CIB2: variants seen among roughly 807,000 people sequenced by gnomAD.
The protein encoded by CIB2 is calcium and integrin-binding family member 2.
In CIB2, 19 loss-of-function variants were observed where a neutral mutation model predicts 23.1. The ratio of observed to expected loss-of-function variants is 0.82; its 90% CI spans 0.57 to 1.21. CIB2 has a LOEUF of 1.21. Ranked by LOEUF, CIB2 falls within the 50% of genes most tolerant of loss-of-function variation. The pLI, the probability that CIB2 is intolerant of heterozygous loss-of-function variation, is 0.00. For synonymous variants in CIB2, 94 were observed against 91.7 expected, an observed-to-expected ratio of 1.03 and a Z score of -0.14; for missense variants, 220 against 241.5, an observed-to-expected ratio of 0.91 and a Z score of 0.59.
intron 2 of CIB2, among the ~76,000 whole-genome samples, chr15:78,117,054 A>C (rs1282043962): frequency 6.6e-6 from 1 of 151,694 alleles, no homozygotes; most frequent in Admixed American, 6.6e-5. Context: ...AAGATATAAA[A>C]ATATTTTAGG....
At chr15:78,123,673 T>A in intron 2 of CIB2, 32 bp downstream of exon 2, 1 of 1,613,608 alleles carries the variant, frequency 6.2e-7, no homozygotes, top group Non-Finnish European at 8.5e-7. Flanking sequence ...CCAGTCCCAG[T>A]CCCAACAGGG....
intron 1 of CIB2, among the ~76,000 whole-genome samples, chr15:78,130,951 C>T (rs2141925465): frequency 6.6e-6 from 1 of 152,254 alleles, no homozygotes; most frequent in East Asian, 1.9e-4. Context: ...CTGAGAGGTT[C>T]TTCCAACTGG....
chr15:78,119,145 A>G (rs953204045), intron 2 of CIB2, among the ~76,000 whole-genome samples: 1 of 152,118 alleles, frequency 6.6e-6, no homozygotes, highest in African/African-American at 2.4e-5. Context: ...TTTAAAAAAA[A>G]AAAAAAAAGA....
chr15:78,111,094 G>T, intron 3 of CIB2, 71 bp downstream of exon 3: 1 of 1,336,950 alleles, frequency 7.5e-7, no homozygotes, highest in South Asian at 1.2e-5. Context: ...GTTCAGCCTA[G>T]ACCTGGGGGC....
Position 78,111,161 on chromosome 15 carries a change from A to G in CIB2, c.198+4T>C. On this transcript the variant is annotated splice_donor_region_variant and intron_variant, in intron 3 of 5. Coordinates refer to ENST00000258930, the MANE Select transcript of CIB2 (RefSeq NM_006383.4). ...TGCTCGCCAGCAAGAGGTCCTGCAC[A>G]TACCCGGAGCTCTGGCATCTGGATG... is the stretch of plus-strand genomic sequence containing the variant. 6.2e-7 allele frequency: 1 copy of G among 1,613,448 alleles called. No individual in the cohort carries two copies. The highest frequency in any genetic ancestry group is 8.5e-7 in the Non-Finnish European group (1 of 1,179,388).
chr15:78,105,573 G>A, intron 5 of CIB2, 166 bp downstream of exon 5: 1 of 1,493,870 alleles, frequency 6.7e-7, no homozygotes, highest in Non-Finnish European at 8.9e-7. Context: ...CCCTGCAGGG[G>A]ACAAAGGCCA....
intron 5 of CIB2, 88 bp from the exon 6 acceptor site, chr15:78,105,420 C>G (rs1305145190): frequency 3.1e-6 from 5 of 1,595,896 alleles, no homozygotes; most frequent in Non-Finnish European, 4.3e-6. Context: ...CAGGCCCCAG[C>G]CCCATGCTGG....
intron 3 of CIB2, among the ~76,000 whole-genome samples, chr15:78,110,138 C>A (rs1234842065): frequency 2.6e-5 from 4 of 152,260 alleles, no homozygotes; most frequent in Non-Finnish European, 5.9e-5. Context: ...CCCTAGACCA[C>A]CTTGGATGCT....
chr15:78,120,657 T>G (rs2074305109), intron 2 of CIB2: 1 of 985,050 alleles, frequency 1.0e-6, no homozygotes, highest in Non-Finnish European at 1.2e-6. Flanking sequence ...AGCAATCGGA[T>G]CTACCTGGGT....
At chr15:78,108,353 C>A (rs761435090) in intron 4 of CIB2, among the ~76,000 whole-genome samples, 3 of 152,158 alleles carry the variant, frequency 2.0e-5, no homozygotes, top group African/African-American at 7.2e-5. Flanking sequence ...TGGGTCCCAG[C>A]CCCTTCCTAG....
chr15:78,118,804 T>C (rs2074277506), intron 2 of CIB2, among the ~76,000 whole-genome samples: 1 of 152,084 alleles, frequency 6.6e-6, no homozygotes, highest in African/African-American at 2.4e-5. Context: ...CTTCCAAAAC[T>C]GAAACTCTGT....
intron 1 of CIB2, among the ~76,000 whole-genome samples, chr15:78,125,152 C>A (rs777978120): frequency 1.3e-5 from 2 of 152,188 alleles, no homozygotes; most frequent in Admixed American, 6.5e-5. Context: ...GGAAGCAGTG[C>A]CCCCTGCTCC....
intron 2 of CIB2, among the ~76,000 whole-genome samples, chr15:78,121,427 T>C (rs1252901718): frequency 1.3e-5 from 2 of 152,110 alleles, no homozygotes; most frequent in Non-Finnish European, 2.9e-5. Flanking sequence ...GAGCCCCTCA[T>C]TTTCCAAGGG....
chr15:78,126,132 T>C (rs1468313049), intron 1 of CIB2, among the ~76,000 whole-genome samples: 5 of 142,794 alleles, frequency 3.5e-5, no homozygotes, highest in Non-Finnish European at 7.5e-5. Flanking sequence ...TGTGCTTCCC[T>C]TTCCCCTGCC....
At chr15:78,114,858 G>A (rs2074214981) in intron 2 of CIB2, among the ~76,000 whole-genome samples, 1 of 150,920 alleles carries the variant, frequency 6.6e-6, no homozygotes, top group Non-Finnish European at 1.5e-5. Flanking sequence ...TAAAGTAGGA[G>A]GATCTCTAGC....
intron 5 of CIB2, 112 bp from the exon 6 acceptor site, chr15:78,105,444 A>C: frequency 1.9e-6 from 3 of 1,573,764 alleles, no homozygotes; most frequent in Non-Finnish European, 2.6e-6. Context: ...GTGCCTCATT[A>C]GGGAACCCTG....
At chr15:78,118,013 C>A (rs900730337) in intron 2 of CIB2, among the ~76,000 whole-genome samples, 4 of 152,158 alleles carry the variant, frequency 2.6e-5, no homozygotes, top group Non-Finnish European at 5.9e-5. Flanking sequence ...TCGTGAAAAG[C>A]TGGAAATCTA....
chr15:78,123,944 T>C (rs912884925), intron 1 of CIB2, among the ~76,000 whole-genome samples: 12 of 152,136 alleles, frequency 7.9e-5, no homozygotes, highest in Admixed American at 1.3e-4. Context: ...CCTTTATCCA[T>C]CCTGGGCTAG....
In CIB2 at chr15:78,109,269, T is replaced by C. The variant is rs1567049965; in HGVS notation, c.312A>G (p.Arg104=). The C allele has an allele frequency of 1.9e-6, 3 of 1,587,738 alleles. No individual in the cohort carries two copies. The South Asian group carries it at 3.3e-5, about 18-fold the overall frequency. The change falls in exon 4 of 6, where the codon CGA becomes CGG. Residue 104 remains arginine, a synonymous_variant. Coordinates refer to ENST00000258930, the MANE Select transcript of CIB2 (RefSeq NM_006383.4). The part of the protein sequence containing the change: ...MFSVLCESAP[R]ELKANYAFKI... ...TGAAGGCATAGTTTGCCTTGAGCTC[T>C]CGGGGAGCCGACTCGCAGAGCACGG...
Sources: allele counts gnomAD v4.1 joint callset (sites outside exome capture counted in the v4.1 genomes callset), GRCh38; gene constraint gnomAD v4.1.1; transcripts MANE v1.5; gene names NCBI Gene and HGNC (gene_info 2026-07-23, HGNC 2026-07-21).